The following ATP5F1A variants were observed in gnomAD, a reference collection of about 807,000 sequenced individuals.
ATP5F1A encodes ATP synthase F1 subunit alpha, also known as ATP synthase F(1) complex subunit alpha, mitochondrial.
ATP5F1A carries 24 observed loss-of-function variants against 57.4 expected under a neutral mutation model. The ratio of observed to expected loss-of-function variants is 0.42; its 90% CI spans 0.30 to 0.59. The LOEUF is 0.59. Among genes scored for constraint, ATP5F1A ranks in the 20% least tolerant of loss-of-function variants. The probability of loss-of-function intolerance (pLI) is 0.19; values close to 1 mark genes in which losing one functional copy is unlikely to be tolerated. For missense variants in ATP5F1A, 494 were observed against 707.9 expected, an observed-to-expected ratio of 0.70 and a Z score of 3.43; for synonymous variants, 251 against 255.5, an observed-to-expected ratio of 0.98 and a Z score of 0.17.
upstream of ATP5F1A, chr18:46,098,307 AAAG>A (rs1568256715): frequency 6.6e-7 from 1 of 1,517,116 alleles, no homozygotes; most frequent in Non-Finnish European, 8.9e-7. Flanking sequence ...GCCGAGCCGC[AAAG>A]AAGGTCAAGA....
chr18:46,090,093 G>GGGGGGGGGGCC, intron 3 of ATP5F1A, 97 bp from the exon 4 acceptor site: 2 of 414,290 alleles, frequency 4.8e-6, no homozygotes, highest in Non-Finnish European at 8.6e-6. Context: ...GGTGGGGGGG[G>GGGGGGGGGGCC]AAGCAGTATT....
At chr18:46,100,204 A>C (rs542931284), upstream of ATP5F1A, among the ~76,000 whole-genome samples, 2 of 145,154 alleles carry the variant, frequency 1.4e-5, no homozygotes, top group South Asian at 4.6e-4. Context: ...TGAGCCCCAG[A>C]TTGCACCACT....
chr18:46,087,193 G>T lies in ATP5F1A; in HGVS notation c.991C>A (p.Pro331Thr). The change falls in exon 8 of 12, where the codon CCC becomes ACC. Residue 331 changes from proline to threonine, a missense_variant. By Grantham distance (38) the Pro-to-Thr change is conservative (BLOSUM62 -1). Transcript: ENST00000398752. ...CCAGGATAGGCCTCACGACCAGGGG[G>T]TCGGCGGAGCAACAGAGACATCTGA... Reference protein sequence around the residue: ...YRQMSLLLRRPPGREAYPGDV... With the variant: ...YRQMSLLLRRTPGREAYPGDV... 6.2e-7 allele frequency: 1 copy of T among 1,614,238 alleles called. No homozygotes were observed. Among genetic ancestry groups the T allele is most frequent in the Admixed American group, 1.7e-5 (1 of 60,024 alleles).
intron 5 of ATP5F1A, chr18:46,088,509 G>C: frequency 3.4e-6 from 1 of 298,104 alleles, no homozygotes; most frequent in South Asian, 7.0e-5. Flanking sequence ...GGGCTGTGCA[G>C]GATGTGCTTT....
At chr18:46,088,465 A>C (rs1341402293) in intron 5 of ATP5F1A, 2 of 444,408 alleles carry the variant, frequency 4.5e-6, no homozygotes, top group African/African-American at 4.1e-5. Flanking sequence ...TCGCAGAAAC[A>C]TGTGCTGTGT....
rs1909750155 is a variant in ATP5F1A, at chr18:46,081,675, A to AC, written c.*2606_*2607insG. 1.1e-5 allele frequency: 1 copy of AC among 90,382 alleles called. No individual in the cohort carries two copies. Among genetic ancestry groups the AC allele is most frequent in the Non-Finnish European group, 2.1e-5 (1 of 46,932 alleles). The allele number at this position is 90,382 out of a possible 1,614,324, so 5.6% of individuals were successfully genotyped here. A position where few individuals can be genotyped will look rare whatever the true frequency, so the allele number is the denominator to read the frequency against. Reference sequence around the variant, plus strand: ...GCAAAACTCTCAAAAAAAAAAAACAAAAAAAAAAAAAAAAAAAAAAAACGA... The same window carrying AC: ...GCAAAACTCTCAAAAAAAAAAAACAACAAAAAAAAAAAAAAAAAAAAAACGA... On this transcript the variant is annotated 3_prime_UTR_variant, in exon 12 of 12. Transcript: ENST00000398752.
At chr18:46,095,741 C>T (rs1352380159) in intron 1 of ATP5F1A, among the ~76,000 whole-genome samples, 1 of 151,978 alleles carries the variant, frequency 6.6e-6, no homozygotes, top group East Asian at 1.9e-4. Flanking sequence ...CTCAGCCTCC[C>T]CAGTAGGTGG....
intron 2 of ATP5F1A, among the ~76,000 whole-genome samples, chr18:46,094,188 T>C (rs201121965): frequency 3.2e-5 from 4 of 125,958 alleles, no homozygotes; most frequent in South Asian, 2.3e-4. Flanking sequence ...CACACACACA[T>C]ATACACACAC....
chr18:46,098,095 G>C lies in ATP5F1A; in HGVS notation c.60+77C>G, dbSNP rs1414353276. ...CGCCACAGCCCCTCGCCCTCCTGCA[G>C]AGAGCGCCCGAGCCGGCGCACCACC... On this transcript the variant is annotated intron_variant, in intron 1 of 11. Transcript: ENST00000398752. The C allele has an allele frequency of 5.3e-6, 8 of 1,516,188 alleles. No homozygotes were observed. The African/African-American group carries it at 8.3e-5, about 16-fold the overall frequency. 93.9% of individuals were successfully genotyped at this position (1,516,188 alleles called of 1,614,324 possible).
intron 5 of ATP5F1A, among the ~76,000 whole-genome samples, chr18:46,089,157 T>C (rs1050803044): frequency 2.9e-4 from 44 of 152,094 alleles, no homozygotes; most frequent in Non-Finnish European, 5.9e-4. Flanking sequence ...AGTGGCGGCA[T>C]GGGTCCTCCA....
At position 46,098,177 on chromosome 18, in the gene ATP5F1A, C is replaced by G; in HGVS notation, c.55G>C (p.Gly19Arg). 1 of 1,604,206 alleles carries G rather than the reference C, an allele frequency of 6.2e-7. No homozygotes were observed. Among genetic ancestry groups the G allele is most frequent in the Non-Finnish European group, 8.5e-7 (1 of 1,178,448 alleles). ...AVVRALPRRA[G>R]LVSRNALGSS... Reference sequence around the variant, plus strand: ...TGCCGGCCTTCGGTGCTCACCAGTCCGGCCCGCCGAGGAAGGGCGCGGACC... The same window carrying G: ...TGCCGGCCTTCGGTGCTCACCAGTCGGGCCCGCCGAGGAAGGGCGCGGACC... Residue 19 changes from glycine to arginine, a missense_variant, in exon 1 of 12, where the codon GGA (glycine) becomes CGA (arginine). This residue lies in a region of ATP5F1A where 142 missense variants were observed against 137.5 expected (regional missense o/e 1.03). Transcript: ENST00000398752.
At position 46,095,159 on chromosome 18, in the gene ATP5F1A, G is replaced by T. The variant is rs778688373; in HGVS notation, c.61-28C>A. 10 of 1,604,300 alleles carry T rather than the reference G, an allele frequency of 6.2e-6. No homozygotes were observed. In the East Asian group the frequency reaches 2.2e-4, roughly 36 times the overall value. On this transcript the variant is annotated intron_variant, in intron 1 of 11. Transcript: ENST00000398752. Reference sequence around the variant, plus strand: ...AGTGCAAAAGTATTCTTAAAAATTTGATTTTTAACAAAGCCTTTATAAAAC... The same window carrying T: ...AGTGCAAAAGTATTCTTAAAAATTTTATTTTTAACAAAGCCTTTATAAAAC...
At chr18:46,093,496 G>A (rs571392266) in intron 2 of ATP5F1A, 15 of 152,196 alleles carry the variant, frequency 9.9e-5, no homozygotes, top group African/African-American at 3.1e-4. Context: ...CCAAGACTAC[G>A]CTACTGCACC....
At chr18:46,096,995 A>AAAAAAAAAAAAAC (rs2036902080) in intron 1 of ATP5F1A, among the ~76,000 whole-genome samples, 1 of 151,546 alleles carries the variant, frequency 6.6e-6, no homozygotes, top group African/African-American at 2.4e-5. Context: ...AAAAAAAAAA[A>AAAAAAAAAAAAAC]AAAAAAAAAA....
In ATP5F1A at chr18:46,086,275, C is replaced by T. The variant is rs980062193; in HGVS notation, c.1285-18G>A. Reference sequence around the variant, plus strand: ...CCTGCTACCTGCAATACAGAAATTACTGTACTGTAACTCAGTGACACAGAG... The same window carrying T: ...CCTGCTACCTGCAATACAGAAATTATTGTACTGTAACTCAGTGACACAGAG... On this transcript the variant is annotated intron_variant, in intron 9 of 11. Coordinates refer to ENST00000398752, the MANE Select transcript of ATP5F1A (RefSeq NM_004046.6). 2.5e-6 allele frequency: 4 copies of T among 1,613,762 alleles called. No homozygotes were observed. The South Asian group carries it at 3.3e-5, about 13-fold the overall frequency.
intron 1 of ATP5F1A, chr18:46,097,705 G>A (rs1050436662): frequency 1.8e-6 from 1 of 550,052 alleles, no homozygotes; most frequent in African/African-American, 2.0e-5. Flanking sequence ...GCTCCAGGCA[G>A]AGGTGAAATG....
chr18:46,098,528 T>A, upstream of ATP5F1A: 1 of 545,072 alleles, frequency 1.8e-6, no homozygotes, highest in Non-Finnish European at 2.3e-6. Context: ...GTCGACCTTG[T>A]GGTTGCCCCG....
chr18:46,103,461 C>T (rs1911347330), intron 1 of ATP5F1A, among the ~76,000 whole-genome samples: 2 of 151,174 alleles, frequency 1.3e-5, no homozygotes, highest in Admixed American at 6.6e-5. Context: ...ATTAGCTGGG[C>T]GTGGTGATGC....
At chr18:46,086,040 T>C in intron 10 of ATP5F1A, 73 bp downstream of exon 10, 2 of 1,520,858 alleles carry the variant, frequency 1.3e-6, no homozygotes, top group Middle Eastern at 2.5e-4. Flanking sequence ...TGATATGTGA[T>C]GCAGCTCTGT....
Sources: allele counts gnomAD v4.1 joint callset (sites outside exome capture counted in the v4.1 genomes callset), GRCh38; gene constraint gnomAD v4.1.1; regional missense constraint gnomAD v4.1.1; transcripts MANE v1.5; gene names NCBI Gene and HGNC (gene_info 2026-07-23, HGNC 2026-07-21).